DGKH: variants seen among roughly 807,000 people sequenced by gnomAD.
DGKH encodes diacylglycerol kinase eta.
In DGKH, 90 loss-of-function variants were observed where a neutral mutation model predicts 159.3. That is an observed-to-expected ratio of 0.57 (90% CI 0.48 to 0.67). The LOEUF is 0.67. Ranked by LOEUF, DGKH falls within the 30% of genes least tolerant of loss-of-function variation. DGKH has a pLI of 0.00. For synonymous variants in DGKH, 536 were observed against 553.8 expected, an observed-to-expected ratio of 0.97 and a Z score of 0.45; for missense variants, 1,181 against 1,506.1, an observed-to-expected ratio of 0.78 and a Z score of 3.57.
chr13:42,162,786 A>G (rs1956217505), intron 7 of DGKH, among the ~76,000 whole-genome samples: 1 of 151,950 alleles, frequency 6.6e-6, no homozygotes, highest in African/African-American at 2.4e-5. Flanking sequence ...CTTGGGCAAC[A>G]AGAGTGAAAC....
At position 42,159,358 on chromosome 13, in the gene DGKH, G is replaced by A. The variant is rs2137972383; in HGVS notation, c.715G>A (p.Glu239Lys). The change falls in exon 6 of 30, where the codon GAA (glutamate) becomes AAA (lysine). Residue 239 changes from glutamate to lysine, a missense_variant. By Grantham distance (56) the Glu-to-Lys change is moderately conservative. Transcript: ENST00000337343. The part of the protein sequence containing the change: ...TLASIGKDII[E>K]DEDGVAMPHQ... ...GGCCTCCATCGGGAAGGACATTATA[G>A]AAGATGAAGATGGCGTAAGCTGCTG... The A allele has an allele frequency of 6.3e-7, 1 of 1,597,020 alleles. No individual in the cohort carries two copies.
intron 1 of DGKH, among the ~76,000 whole-genome samples, chr13:42,097,987 G>C (rs746142811): frequency 1.3e-5 from 2 of 152,094 alleles, no homozygotes; most frequent in Admixed American, 1.3e-4. Context: ...TCAATTCTCA[G>C]CCATCCATCT....
chr13:42,133,226 G>A (rs764300932), intron 3 of DGKH, among the ~76,000 whole-genome samples: 3 of 151,760 alleles, frequency 2.0e-5, no homozygotes, highest in Non-Finnish European at 4.4e-5. Context: ...CCTCCTTGAG[G>A]ATAGGGACTC....
intron 17 of DGKH, among the ~76,000 whole-genome samples, chr13:42,197,349 A>G (rs1468807110): frequency 6.6e-6 from 1 of 151,654 alleles, no homozygotes; most frequent in Admixed American, 6.6e-5. Context: ...TATGCTTACT[A>G]AATTTATTGT....
At chr13:42,167,653 G>A in intron 9 of DGKH, among the ~76,000 whole-genome samples, 1 of 151,986 alleles carries the variant, frequency 6.6e-6, no homozygotes, top group Middle Eastern at 3.2e-3. Flanking sequence ...CCTCTGCTGA[G>A]GTCCTAGAGT....
intron 1 of DGKH, among the ~76,000 whole-genome samples, chr13:42,089,605 T>C (rs1228004498): frequency 1.3e-5 from 2 of 152,190 alleles, no homozygotes; most frequent in African/African-American, 2.4e-5. Context: ...TCCATTCCTC[T>C]ATCTCCAACA....
In DGKH at chr13:42,198,566, G is replaced by C. The variant is rs764270428; in HGVS notation, c.2256G>C (p.Thr752=). ...CAAACATTGATCCTTTTGGTGCCAC[G>C]CCGTTTATTGACCCGGATCTAGATT... The part of the protein sequence containing the change: ...LLANIDPFGA[T]PFIDPDLDSV... Residue 752 remains threonine, a synonymous_variant, in exon 18 of 30, where the codon ACG becomes ACC. Coordinates refer to ENST00000337343, the MANE Select transcript of DGKH (RefSeq NM_178009.5). 6 of 1,612,874 alleles carry C rather than the reference G, an allele frequency of 3.7e-6. No homozygotes were observed. Among genetic ancestry groups the C allele is most frequent in the Non-Finnish European group, 5.1e-6 (6 of 1,179,640 alleles).
At chr13:42,157,333 C>A (rs896696694) in intron 5 of DGKH, among the ~76,000 whole-genome samples, 1 of 152,078 alleles carries the variant, frequency 6.6e-6, no homozygotes. Context: ...CTGAGACACT[C>A]TGTGGTACCC....
At chr13:42,203,288 T>C (rs151032592) in intron 20 of DGKH, among the ~76,000 whole-genome samples, 1 of 152,226 alleles carries the variant, frequency 6.6e-6, no homozygotes, top group Non-Finnish European at 1.5e-5. Context: ...GTAAAGGCAT[T>C]GCTTAAGTTC....
At chr13:42,135,363 G>A (rs1012383873) in intron 3 of DGKH, among the ~76,000 whole-genome samples, 4 of 115,630 alleles carry the variant, frequency 3.5e-5, no homozygotes, top group Non-Finnish European at 6.3e-5. Flanking sequence ...ACTGAGCATC[G>A]TGGTGCATGC....
chr13:42,116,193 GT>G (rs929301427), intron 1 of DGKH, among the ~76,000 whole-genome samples: 5 of 152,290 alleles, frequency 3.3e-5, no homozygotes, highest in Admixed American at 1.3e-4. Context: ...GATTCATGAT[GT>G]TACAGGTTTT....
At chr13:42,057,879 G>A (rs907106807) in intron 1 of DGKH, among the ~76,000 whole-genome samples, 2 of 152,166 alleles carry the variant, frequency 1.3e-5, no homozygotes, top group African/African-American at 4.8e-5. Context: ...GAGCCATGTG[G>A]ACCTCTGGGT....
chr13:42,096,069 G>T (rs1459035418), intron 1 of DGKH, among the ~76,000 whole-genome samples: 2 of 152,022 alleles, frequency 1.3e-5, no homozygotes, highest in Non-Finnish European at 2.9e-5. Context: ...GTAATGTTTT[G>T]TCTTTCAAAT....
chr13:42,082,009 A>G (rs909030103), intron 1 of DGKH, among the ~76,000 whole-genome samples: 1 of 152,142 alleles, frequency 6.6e-6, no homozygotes, highest in African/African-American at 2.4e-5. Flanking sequence ...AAGTTCATTC[A>G]CATTTTTTTC....
chr13:42,125,156 T>C (rs1183555419), intron 1 of DGKH, among the ~76,000 whole-genome samples: 1 of 152,198 alleles, frequency 6.6e-6, no homozygotes. Flanking sequence ...CCCTGTTGTG[T>C]CCAGCATATT....
rs987097969 is a variant in DGKH at position 42,070,526 on chromosome 13, T to G, written c.192+21561T>G. 13 of 1,395,080 alleles carry G rather than the reference T, an allele frequency of 9.3e-6. No homozygotes were observed. The Admixed American group carries it at 2.0e-4, about 22-fold the overall frequency. The allele number at this position is 1,395,080 out of a possible 1,614,324, so 86.4% of individuals were successfully genotyped here. On this transcript the variant is annotated intron_variant, in intron 1 of 29. Transcript: ENST00000337343. ...TCTGTACCATTTAGTAACCAATCCT[T>G]CAAAAGATGACTCTTACGGGAATAA...
intron 1 of DGKH, among the ~76,000 whole-genome samples, chr13:42,080,394 C>T (rs1954177401): frequency 6.6e-6 from 1 of 152,170 alleles, no homozygotes; most frequent in Non-Finnish European, 1.5e-5. Flanking sequence ...GAGAGAAGTT[C>T]CTTCCCAGCT....
chr13:42,044,764 A>G (rs143095157), upstream of DGKH, among the ~76,000 whole-genome samples: 823 of 152,282 alleles, frequency 5.4e-3, 6 homozygotes, highest in African/African-American at 0.018. Flanking sequence ...GTTTCTGTGT[A>G]TTTTCTTTAA....
chr13:42,143,877 G>A (rs1304626039), intron 3 of DGKH, among the ~76,000 whole-genome samples: 1 of 151,754 alleles, frequency 6.6e-6, no homozygotes, highest in East Asian at 1.9e-4. Context: ...TTTTTTGAAG[G>A]GTTTTTTGTG....
Sources: allele counts gnomAD v4.1 joint callset (sites outside exome capture counted in the v4.1 genomes callset), GRCh38; gene constraint gnomAD v4.1.1; transcripts MANE v1.5; gene names NCBI Gene and HGNC (gene_info 2026-07-23, HGNC 2026-07-21).